FSTL5: variants seen among roughly 807,000 people sequenced by gnomAD.
FSTL5 encodes follistatin-related protein 5.
A neutral mutation model predicts 89.1 loss-of-function variants in FSTL5; 62 were observed. That is an observed-to-expected ratio of 0.70 (90% confidence interval 0.57 to 0.86). The LOEUF (loss-of-function observed/expected upper bound fraction) is 0.86. Ranked by LOEUF, FSTL5 falls within the 40% of genes least tolerant of loss-of-function variation. FSTL5 has a pLI of 0.00. For synonymous variants in FSTL5, 383 were observed against 346.2 expected (o/e 1.11, Z -1.18); for missense variants, 1,057 against 1,001.6 (o/e 1.06, Z -0.75).
intron 4 of FSTL5, among the ~76,000 whole-genome samples, chr4:161,785,088 T>C (rs2126814304): frequency 6.6e-6 from 1 of 152,230 alleles, no homozygotes; most frequent in Non-Finnish European, 1.5e-5. Context: ...ATAGCATAAC[T>C]TTGAAAACAC....
intron 4 of FSTL5, among the ~76,000 whole-genome samples, chr4:161,915,212 G>C (rs1157230386): frequency 6.6e-6 from 1 of 152,000 alleles, no homozygotes; most frequent in Non-Finnish European, 1.5e-5. Flanking sequence ...TTGTGAAATT[G>C]TTTTGAAATA....
In FSTL5 at chr4:161,578,276, G is replaced by T. The variant is rs532074369; in HGVS notation, c.1015+9179C>A. 2.8e-4 allele frequency among the ~76,000 whole-genome samples: 43 copies of T among 152,114 alleles called. 1 individual carries two copies. The highest frequency in any genetic ancestry group is 1.0e-3 in the African/African-American group (43 of 41,534). ...ATAAGTAAGAATTATTTTTTAAATA[G>T]AATTTATGTCGTTGAAAAATATAAT... is the stretch of plus-strand genomic sequence containing the variant. On this transcript the variant is annotated intron_variant, in intron 8 of 15. Coordinates refer to ENST00000306100, the MANE Select transcript of FSTL5 (RefSeq NM_020116.5).
At chr4:161,840,551 A>G (rs1404871607) in intron 4 of FSTL5, among the ~76,000 whole-genome samples, 1 of 152,208 alleles carries the variant, frequency 6.6e-6, no homozygotes, top group East Asian at 1.9e-4. Flanking sequence ...AACCCTGTTG[A>G]TATCTACAGA....
chr4:161,836,529 T>A (rs1189317422), intron 4 of FSTL5, among the ~76,000 whole-genome samples: 1 of 151,476 alleles, frequency 6.6e-6, no homozygotes, highest in Non-Finnish European at 1.5e-5. Context: ...CAGTGCAGCA[T>A]CCCTCAGGGA....
chr4:161,444,674 T>A (rs888626023), intron 15 of FSTL5, among the ~76,000 whole-genome samples: 5 of 151,792 alleles, frequency 3.3e-5, no homozygotes, highest in African/African-American at 1.2e-4. Flanking sequence ...ATGGTGTAGA[T>A]CTGTTATGAG....
chr4:161,853,894 A>T (rs1731638901), intron 4 of FSTL5, among the ~76,000 whole-genome samples: 1 of 152,212 alleles, frequency 6.6e-6, no homozygotes, highest in Admixed American at 6.5e-5. Flanking sequence ...CTTGCTATGC[A>T]AAATTAGATA....
intron 7 of FSTL5, among the ~76,000 whole-genome samples, chr4:161,615,139 A>T (rs1018075275): frequency 6.6e-6 from 1 of 151,708 alleles, no homozygotes; most frequent in African/African-American, 2.4e-5. Context: ...CTAAAAATAC[A>T]AAAAATTAGC....
intron 15 of FSTL5, among the ~76,000 whole-genome samples, chr4:161,450,161 T>A (rs923181304): frequency 1.3e-5 from 2 of 152,212 alleles, no homozygotes; most frequent in Non-Finnish European, 2.9e-5. Flanking sequence ...TTGCTTAATG[T>A]CTGCTACCTC....
rs1553988132 is a variant in FSTL5, at chr4:161,977,639, A to AAAAT, written c.160+55985_160+55986insATTT. On this transcript the variant is annotated intron_variant, in intron 3 of 15. Coordinates refer to ENST00000306100, the MANE Select transcript of FSTL5 (RefSeq NM_020116.5). ...AAAAAAAAAAAAAAAAAAAAAAAAA[A>AAAAT]AATAATAATAATAATAATAATAATA... 4.1e-4 allele frequency among the ~76,000 whole-genome samples: 41 copies of AAAAT among 101,214 alleles called. 1 individual carries two copies. Among genetic ancestry groups the AAAAT allele is most frequent in the Non-Finnish European group, 6.1e-4 (32 of 52,478 alleles). 66.4% of individuals were successfully genotyped at this position (101,214 alleles called of 152,430 possible).
intron 2 of FSTL5, among the ~76,000 whole-genome samples, chr4:162,082,453 T>G (rs729103): frequency 0.07 from 10,608 of 151,676 alleles, 499 homozygotes; most frequent in East Asian, 0.16. Flanking sequence ...AATTAATGTT[T>G]ATTGTCTGCT....
At chr4:162,139,933 A>G (rs1732661268) in intron 1 of FSTL5, among the ~76,000 whole-genome samples, 2 of 152,162 alleles carry the variant, frequency 1.3e-5, no homozygotes, top group Admixed American at 6.5e-5. Flanking sequence ...TATCAACAGC[A>G]TGAGATCAAA....
chr4:162,127,475 TA>T (rs1426066178), intron 1 of FSTL5, among the ~76,000 whole-genome samples: 2 of 152,186 alleles, frequency 1.3e-5, no homozygotes, highest in Non-Finnish European at 2.9e-5. Flanking sequence ...AGCCCAAAAA[TA>T]AACTTAAAAG....
intron 13 of FSTL5, among the ~76,000 whole-genome samples, chr4:161,476,645 A>G (rs1734161898): frequency 6.6e-6 from 1 of 152,098 alleles, no homozygotes; most frequent in Non-Finnish European, 1.5e-5. Flanking sequence ...TTTTTCTCCT[A>G]TATGCACTTG....
At chr4:162,044,504 G>T (rs1177499812) in intron 2 of FSTL5, among the ~76,000 whole-genome samples, 1 of 152,092 alleles carries the variant, frequency 6.6e-6, no homozygotes, top group East Asian at 1.9e-4. Context: ...TTTTCAGAAT[G>T]GTAAATGAGC....
At chr4:162,085,394 GA>G (rs1393084122) in intron 2 of FSTL5, among the ~76,000 whole-genome samples, 2 of 151,742 alleles carry the variant, frequency 1.3e-5, no homozygotes, top group African/African-American at 4.8e-5. Context: ...ACAATCAGGA[GA>G]TTTTTTTCAA....
At chr4:161,602,958 T>C (rs576803458) in intron 7 of FSTL5, among the ~76,000 whole-genome samples, 2 of 152,314 alleles carry the variant, frequency 1.3e-5, no homozygotes, top group Non-Finnish European at 2.9e-5. Flanking sequence ...GCTGGATGTG[T>C]ACAAATAAAT....
intron 3 of FSTL5, among the ~76,000 whole-genome samples, chr4:161,995,547 T>C (rs1736265968): frequency 6.6e-6 from 1 of 152,136 alleles, no homozygotes; most frequent in Non-Finnish European, 1.5e-5. Context: ...TTATCAGCCT[T>C]AAGCAGACGG....
chr4:162,041,618 T>C (rs1737962794), intron 2 of FSTL5, among the ~76,000 whole-genome samples: 1 of 152,148 alleles, frequency 6.6e-6, no homozygotes, highest in Non-Finnish European at 1.5e-5. Context: ...TATTGTATAT[T>C]CATATTGTAT....
At chr4:161,519,524 T>TCAAAA (rs112732857) in intron 10 of FSTL5, among the ~76,000 whole-genome samples, 5,860 of 151,702 alleles carry the variant, frequency 0.039, 217 homozygotes, top group East Asian at 0.15. Flanking sequence ...AGACTCTATC[T>TCAAAA]CAAAACAAAA....
Sources: allele counts gnomAD v4.1 joint callset (sites outside exome capture counted in the v4.1 genomes callset), GRCh38; gene constraint gnomAD v4.1.1; transcripts MANE v1.5; gene names NCBI Gene and HGNC (gene_info 2026-07-23, HGNC 2026-07-21).